PIGL: variants seen among roughly 807,000 people sequenced by gnomAD.
PIGL encodes the protein phosphatidylinositol glycan anchor biosynthesis class L.
PIGL carries 22 observed loss-of-function variants against 31.1 expected under a neutral mutation model. That is an observed-to-expected ratio of 0.71 (90% CI 0.51 to 1.01). PIGL has a LOEUF of 1.01. Ranked by LOEUF, PIGL falls within the 50% of genes least tolerant of loss-of-function variation. PIGL has a pLI of 0.00. For synonymous variants in PIGL, 131 were observed against 117.4 expected (o/e 1.12, Z -0.75); for missense variants, 302 against 315.9 (o/e 0.96, Z 0.33).
chr17:16,277,669 A>G (rs907668776), intron 2 of PIGL, among the ~76,000 whole-genome samples: 6 of 152,176 alleles, frequency 3.9e-5, no homozygotes, highest in Admixed American at 6.5e-5. Flanking sequence ...AGAAACCTAC[A>G]TTCAATAACA....
intron 4 of PIGL, 34 bp downstream of exon 4, chr17:16,313,648 G>T: frequency 6.5e-7 from 1 of 1,535,966 alleles, no homozygotes; most frequent in South Asian, 1.1e-5. Flanking sequence ...GTGGGGGAGG[G>T]TTTGTTTATT....
At chr17:16,271,641 T>C (rs1043821701) in intron 2 of PIGL, among the ~76,000 whole-genome samples, 2 of 151,944 alleles carry the variant, frequency 1.3e-5, no homozygotes, top group Admixed American at 6.6e-5. Context: ...AAGCAATTCT[T>C]CTGCCTCAGC....
At chr17:16,260,812 A>G (rs1377380878) in intron 2 of PIGL, among the ~76,000 whole-genome samples, 5 of 152,070 alleles carry the variant, frequency 3.3e-5, no homozygotes, top group Non-Finnish European at 1.5e-5. Flanking sequence ...GGACCTGCCA[A>G]ATAGCGGCTA....
At chr17:16,325,369 TAGAATCA>T (rs1317013388) in intron 6 of PIGL, among the ~76,000 whole-genome samples, 11 of 147,772 alleles carry the variant, frequency 7.4e-5, no homozygotes, top group Non-Finnish European at 1.5e-4. Context: ...ATGTGGACTC[TAGAATCA>T]ATCAGTTGGC....
rs544425060 is a variant in PIGL, at chr17:16,270,872, G to A, written c.336-29016G>A. ...CGCGCAACTGCATTCCAGCCTGTGC[G>A]ACAGAGCGAGACTGTCTCAAAAAAA... is the stretch of plus-strand genomic sequence containing the variant. On this transcript the variant is annotated intron_variant, in intron 2 of 6. Coordinates refer to ENST00000225609, the MANE Select transcript of PIGL (RefSeq NM_004278.4). Among the ~76,000 whole-genome samples, 10 of 147,162 alleles carry A rather than the reference G, an allele frequency of 6.8e-5. No homozygotes were observed. The East Asian group carries it at 7.8e-4, about 12-fold the overall frequency.
At chr17:16,320,336 G>A (rs191482650) in intron 6 of PIGL, among the ~76,000 whole-genome samples, 1 of 136,608 alleles carries the variant, frequency 7.3e-6, no homozygotes, top group Non-Finnish European at 1.6e-5. Flanking sequence ...GCGAAGGAAG[G>A]AAGGGAAGGG....
rs533569952 is a variant in PIGL at position 16,252,700 on chromosome 17, C to T, written c.335+18630C>T. Among the ~76,000 whole-genome samples the T allele has an allele frequency of 4.6e-5, 7 of 152,202 alleles. No homozygotes were observed. The South Asian group carries it at 8.3e-4, about 18-fold the overall frequency. On this transcript the variant is annotated intron_variant, in intron 2 of 6. Coordinates refer to ENST00000225609, the MANE Select transcript of PIGL (RefSeq NM_004278.4). ...AGCCATCCAAGTGAATGCTAGATTA[C>T]AAATAATTCTGTGTACATTTTGATA...
Position 16,326,196 on chromosome 17 carries a change from G to A in PIGL, c.*298G>A. The A allele has an allele frequency of 2.8e-6, 1 of 353,634 alleles. No homozygotes were observed. The highest frequency in any genetic ancestry group is 5.1e-6 in the Non-Finnish European group (1 of 194,260). The allele number at this position is 353,634 out of a possible 1,614,324, so 21.9% of individuals were successfully genotyped here. The stretch of plus-strand genomic sequence containing the variant: ...TGACACAGTAGATGTGGAACACCTA[G>A]CCCAGTGCCTGGGCAGGTCCCTATT... On this transcript the variant is annotated 3_prime_UTR_variant, in exon 7 of 7. Coordinates refer to ENST00000225609, the MANE Select transcript of PIGL (RefSeq NM_004278.4).
intron 2 of PIGL, among the ~76,000 whole-genome samples, chr17:16,266,999 T>C (rs79602786): frequency 0.011 from 1,643 of 152,158 alleles, 36 homozygotes; most frequent in African/African-American, 0.037. Context: ...TTCCTTTTAA[T>C]TGTTTTTAGA....
intron 2 of PIGL, among the ~76,000 whole-genome samples, chr17:16,279,128 G>A (rs2092906932): frequency 6.6e-6 from 1 of 152,210 alleles, no homozygotes; most frequent in Admixed American, 6.5e-5. Context: ...AGTTTCCTCA[G>A]TATTGTCCCT....
intron 3 of PIGL, among the ~76,000 whole-genome samples, chr17:16,308,074 C>T (rs1292436916): frequency 6.6e-6 from 1 of 151,990 alleles, no homozygotes; most frequent in Non-Finnish European, 1.5e-5. Flanking sequence ...GTGGCTCATG[C>T]CTGTAATCCC....
chr17:16,287,591 C>T lies in PIGL; in HGVS notation c.336-12297C>T, dbSNP rs546767421. Among the ~76,000 whole-genome samples the T allele has an allele frequency of 1.4e-4, 21 of 152,350 alleles. No homozygotes were observed. The South Asian group carries it at 3.3e-3, about 24-fold the overall frequency. On this transcript the variant is annotated intron_variant, in intron 2 of 6. Coordinates refer to ENST00000225609, the MANE Select transcript of PIGL (RefSeq NM_004278.4). ...TATTTTTGTTTTCAAAATTCAATTCCTCTAAATATATTTCTGTTCCTCTTT... is the reference window on the plus strand; with the variant it reads ...TATTTTTGTTTTCAAAATTCAATTCTTCTAAATATATTTCTGTTCCTCTTT...
chr17:16,284,522 A>G (rs1177410389), intron 2 of PIGL, among the ~76,000 whole-genome samples: 1 of 152,206 alleles, frequency 6.6e-6, no homozygotes, highest in African/African-American at 2.4e-5. Flanking sequence ...GGGGGCTACA[A>G]GATTCTGACC....
chr17:16,308,297 A>G (rs542723413), intron 3 of PIGL, among the ~76,000 whole-genome samples: 2 of 151,828 alleles, frequency 1.3e-5, no homozygotes, highest in African/African-American at 4.8e-5. Context: ...GTGCCACTGC[A>G]CTCCAGTCTG....
At chr17:16,238,944 T>C (rs1351945723) in intron 2 of PIGL, among the ~76,000 whole-genome samples, 1 of 140,876 alleles carries the variant, frequency 7.1e-6, no homozygotes, top group Non-Finnish European at 1.5e-5. Context: ...GGTTTCGCCA[T>C]GTTGGCCAGG....
At chr17:16,252,729 T>A (rs139378714) in intron 2 of PIGL, among the ~76,000 whole-genome samples, 1 of 152,192 alleles carries the variant, frequency 6.6e-6, no homozygotes, top group Non-Finnish European at 1.5e-5. Context: ...TTTGATAATA[T>A]TTTATTTGAT....
intron 2 of PIGL, among the ~76,000 whole-genome samples, chr17:16,241,984 T>A (rs2092725068): frequency 6.6e-6 from 1 of 152,162 alleles, no homozygotes. Flanking sequence ...CTCTTTGAAG[T>A]TCTGACTCTT....
intron 2 of PIGL, among the ~76,000 whole-genome samples, chr17:16,250,031 C>T (rs990379614): frequency 6.6e-6 from 1 of 152,126 alleles, no homozygotes; most frequent in Non-Finnish European, 1.5e-5. Flanking sequence ...ACTGCAACCT[C>T]CACCTCTTGG....
chr17:16,301,559 G>A (rs1268709317), intron 3 of PIGL, among the ~76,000 whole-genome samples: 1 of 141,574 alleles, frequency 7.1e-6, no homozygotes. Context: ...ACCACACCCA[G>A]CCAATTTTTA....
Sources: allele counts gnomAD v4.1 joint callset (sites outside exome capture counted in the v4.1 genomes callset), GRCh38; gene constraint gnomAD v4.1.1; transcripts MANE v1.5; gene names NCBI Gene and HGNC (gene_info 2026-07-23, HGNC 2026-07-21).